Variants in TENT5D observed in about 807,000 individuals in gnomAD.
The protein encoded by TENT5D is cancer/testis antigen 112.
For missense variants in TENT5D, 191 were observed against 287.0 expected (o/e 0.67, Z 2.42); for synonymous variants, 103 against 100.6 (o/e 1.02, Z -0.15).
At chrX:80,433,096 G>A (rs1381997971) in intron 1 of TENT5D, among the ~76,000 whole-genome samples, 1 of 111,659 alleles carries the variant, frequency 9.0e-6, no homozygotes, top group East Asian at 2.8e-4. Flanking sequence ...AAAAGGAAAC[G>A]GAAGTGCCCA....
At position 80,393,538 on chromosome X, in the gene TENT5D, ATATT is replaced by A. The variant is rs773809078; in HGVS notation, c.-141-45069_-141-45066del. ...TGAATTAACATATTCATTATTTCAA[ATATT>A]TAACATTTTTTGTGATGAGGAATTT... On this transcript the variant is annotated intron_variant, in intron 3 of 4. Coordinates refer to the TENT5D transcript ENST00000538312. 3.8e-3 allele frequency among the ~76,000 whole-genome samples: 430 copies of A among 111,886 alleles called. 5 individuals are homozygous for A. The highest frequency in any genetic ancestry group is 0.014 in the African/African-American group (419 of 30,803).
At chrX:80,410,943 A>G (rs1171325526) in intron 3 of TENT5D, among the ~76,000 whole-genome samples, 1 of 106,548 alleles carries the variant, frequency 9.4e-6, no homozygotes, top group Non-Finnish European at 1.9e-5. Context: ...TGTCCTTTGT[A>G]GGGACATGGA....
chrX:80,349,473 T>C (rs1930131897), intron 3 of TENT5D, among the ~76,000 whole-genome samples: 1 of 111,732 alleles, frequency 8.9e-6, no homozygotes, highest in African/African-American at 3.3e-5. Context: ...TATCTGATGG[T>C]AGTTTGTATT....
At chrX:80,432,264 C>T (rs906080451) in intron 1 of TENT5D, among the ~76,000 whole-genome samples, 7 of 111,783 alleles carry the variant, frequency 6.3e-5, no homozygotes, top group African/African-American at 2.3e-4. Flanking sequence ...AGTCCAAGGG[C>T]CCCCAGGTAA....
At chrX:80,341,919 GC>G (rs1929968584) in intron 2 of TENT5D, among the ~76,000 whole-genome samples, 2 of 107,521 alleles carry the variant, frequency 1.9e-5, no homozygotes, top group Non-Finnish European at 3.9e-5. Context: ...CACCGTGTTA[GC>G]CAGGATGGTC....
intron 2 of TENT5D, among the ~76,000 whole-genome samples, chrX:80,441,136 A>G (rs1400967815): frequency 9.0e-6 from 1 of 111,509 alleles, no homozygotes; most frequent in Non-Finnish European, 1.9e-5. Context: ...TAGCTGATCA[A>G]ACTGTATAAA....
chrX:80,364,756 C>T (rs1930473614), intron 3 of TENT5D, among the ~76,000 whole-genome samples: 1 of 109,449 alleles, frequency 9.1e-6, no homozygotes, highest in Admixed American at 9.8e-5. Flanking sequence ...TTAGAAGTTT[C>T]CTCTTTATTT....
chrX:80,381,688 C>G (rs1930870022), intron 3 of TENT5D, among the ~76,000 whole-genome samples: 2 of 111,834 alleles, frequency 1.8e-5, no homozygotes, highest in African/African-American at 6.5e-5. Context: ...AACTTCTCTT[C>G]TTGCTTCATT....
intron 3 of TENT5D, among the ~76,000 whole-genome samples, chrX:80,373,577 T>C (rs1930669334): frequency 9.0e-6 from 1 of 111,410 alleles, no homozygotes; most frequent in African/African-American, 3.3e-5. Flanking sequence ...AATCTTCTTA[T>C]AATAGATAAG....
intron 1 of TENT5D, among the ~76,000 whole-genome samples, chrX:80,427,143 C>G (rs765672006): frequency 3.6e-5 from 4 of 111,720 alleles, no homozygotes; most frequent in Admixed American, 2.9e-4. Context: ...AGCATGAAAA[C>G]AGACTAATAC....
At chrX:80,392,317 A>G (rs1234555368) in intron 3 of TENT5D, among the ~76,000 whole-genome samples, 2 of 109,159 alleles carry the variant, frequency 1.8e-5, no homozygotes, top group African/African-American at 6.7e-5. Context: ...TTTAATAATA[A>G]TCTCTTAAAG....
At chrX:80,429,488 A>T (rs1399524380) in intron 1 of TENT5D, among the ~76,000 whole-genome samples, 1 of 108,475 alleles carries the variant, frequency 9.2e-6, no homozygotes, top group Admixed American at 9.8e-5. Flanking sequence ...TTTTTAGTAG[A>T]GACAGGGTTT....
chrX:80,396,896 C>CA (rs1931263181), intron 3 of TENT5D, among the ~76,000 whole-genome samples: 1 of 77,209 alleles, frequency 1.3e-5, no homozygotes, highest in Non-Finnish European at 2.5e-5. Flanking sequence ...GCTGGCCGGG[C>CA]GGGGGGCTGA....
At chrX:80,371,779 G>A (rs1930628052) in intron 3 of TENT5D, among the ~76,000 whole-genome samples, 1 of 111,871 alleles carries the variant, frequency 8.9e-6, no homozygotes, top group Non-Finnish European at 1.9e-5. Flanking sequence ...GAATGTTGTG[G>A]CTTCTTTGAA....
At chrX:80,443,199 C>G (rs774402950) in exon 3 of TENT5D, 4 of 1,209,583 alleles carry the variant, frequency 3.3e-6, no homozygotes, top group East Asian at 3.0e-5. Context: ...ATTTGCAACA[C>G]AAGCTCATAT....
At chrX:80,346,167 T>G (rs766902613) in intron 3 of TENT5D, among the ~76,000 whole-genome samples, 1 of 112,117 alleles carries the variant, frequency 8.9e-6, no homozygotes, top group East Asian at 2.8e-4. Flanking sequence ...CATAATGCCT[T>G]TGGGATTCAT....
intron 3 of TENT5D, among the ~76,000 whole-genome samples, chrX:80,414,910 T>C (rs1201677771): frequency 3.6e-5 from 4 of 112,040 alleles, no homozygotes; most frequent in Non-Finnish European, 7.5e-5. Context: ...ACAATATTGA[T>C]TTTTCCTATA....
At chrX:80,343,288 T>G (rs1184488475) in intron 3 of TENT5D, among the ~76,000 whole-genome samples, 3 of 111,684 alleles carry the variant, frequency 2.7e-5, no homozygotes, top group Non-Finnish European at 5.6e-5. Context: ...CATCCCCTAG[T>G]AAACAACTTT....
intron 3 of TENT5D, among the ~76,000 whole-genome samples, chrX:80,391,720 T>C (rs1019050302): frequency 8.9e-6 from 1 of 112,679 alleles, no homozygotes; most frequent in Non-Finnish European, 1.9e-5. Context: ...CTATTGAAAC[T>C]TAAAAGTGGT....
Sources: allele counts gnomAD v4.1 joint callset (sites outside exome capture counted in the v4.1 genomes callset), GRCh38; gene constraint gnomAD v4.1.1; transcripts MANE v1.5; gene names NCBI Gene and HGNC (gene_info 2026-07-23, HGNC 2026-07-21).